Variants in DAPK1 observed in about 807,000 individuals in gnomAD.
DAPK1 encodes the protein death-associated protein kinase 1.
DAPK1 carries 56 observed loss-of-function variants against 144.9 expected under a neutral mutation model. The observed-to-expected ratio is 0.39, with a 90% CI of 0.31 to 0.48. DAPK1 has a LOEUF of 0.48. Ranked by LOEUF, DAPK1 falls within the 20% of genes least tolerant of loss-of-function variation. The pLI, the probability that DAPK1 is intolerant of heterozygous loss-of-function variation, is 0.95. For synonymous variants in DAPK1, 690 were observed against 749.0 expected (o/e 0.92, Z 1.29); for missense variants, 1,454 against 1,875.4 (o/e 0.78, Z 4.15).
At chr9:87,662,573 T>TTG (rs1342355612) in intron 18 of DAPK1, among the ~76,000 whole-genome samples, 1 of 140,076 alleles carries the variant, frequency 7.1e-6, no homozygotes, top group African/African-American at 2.6e-5. Context: ...TTTTTTTTTT[T>TTG]TTTTTTTTTT....
chr9:87,501,559 G>GA (rs143223074), intron 2 of DAPK1, among the ~76,000 whole-genome samples: 1 of 151,082 alleles, frequency 6.6e-6, no homozygotes, highest in African/African-American at 2.4e-5. Flanking sequence ...AAAAAAGAAA[G>GA]AAAAAAAAGA....
chr9:87,507,185 A>T (rs1200386624), intron 2 of DAPK1, among the ~76,000 whole-genome samples: 2 of 152,162 alleles, frequency 1.3e-5, no homozygotes, highest in East Asian at 3.9e-4. Context: ...TCATTGAAGT[A>T]TAATGTTGCT....
At chr9:87,565,648 C>A (rs1827095265) in intron 2 of DAPK1, among the ~76,000 whole-genome samples, 1 of 152,214 alleles carries the variant, frequency 6.6e-6, no homozygotes, top group African/African-American at 2.4e-5. Flanking sequence ...GAACTCAAAT[C>A]CGACTTCTTG....
chr9:87,539,937 A>AC (rs978587077), intron 2 of DAPK1, among the ~76,000 whole-genome samples: 2 of 151,770 alleles, frequency 1.3e-5, no homozygotes, highest in African/African-American at 4.8e-5. Context: ...CTTCTTAATG[A>AC]CCCCAAAGCC....
At chr9:87,664,213 C>A (rs1459084385) in intron 18 of DAPK1, among the ~76,000 whole-genome samples, 3 of 152,152 alleles carry the variant, frequency 2.0e-5, no homozygotes, top group African/African-American at 7.2e-5. Flanking sequence ...CTCTTCTCCC[C>A]TTCAGTTGTG....
At chr9:87,525,520 A>C (rs1344427910) in intron 2 of DAPK1, 1 of 1,153,274 alleles carries the variant, frequency 8.7e-7, no homozygotes, top group Non-Finnish European at 1.3e-6. Context: ...ACTCAATGAA[A>C]AACCATGATA....
intron 19 of DAPK1, among the ~76,000 whole-genome samples, chr9:87,679,289 G>A (rs1310930523): frequency 6.6e-6 from 1 of 152,104 alleles, no homozygotes; most frequent in Non-Finnish European, 1.5e-5. Context: ...CAACCAGGAG[G>A]AGATGGCAGG....
At chr9:87,616,534 C>A (rs1267819657) in intron 3 of DAPK1, among the ~76,000 whole-genome samples, 1 of 152,156 alleles carries the variant, frequency 6.6e-6, no homozygotes, top group Admixed American at 6.5e-5. Flanking sequence ...GAGCAAAGTA[C>A]CCCATCCTCT....
At chr9:87,568,414 T>G (rs149425868) in intron 2 of DAPK1, among the ~76,000 whole-genome samples, 2 of 152,376 alleles carry the variant, frequency 1.3e-5, no homozygotes, top group Non-Finnish European at 2.9e-5. Context: ...GCAACACTCC[T>G]TGGTGAATAG....
chr9:87,605,235 G>C (rs901638003), intron 3 of DAPK1, 60 bp downstream of exon 3: 1 of 1,399,270 alleles, frequency 7.1e-7, no homozygotes, highest in Non-Finnish European at 1.0e-6. Flanking sequence ...TGGCATCTTC[G>C]TTCCAGCTGG....
chr9:87,681,289 AAAAG>A, intron 19 of DAPK1, 111 bp from the exon 20 acceptor site: 1 of 699,200 alleles, frequency 1.4e-6, no homozygotes, highest in Non-Finnish European at 2.5e-6. Context: ...AAAAAAGAAA[AAAAG>A]AAACATATCT....
At chr9:87,523,215 G>A (rs10746816) in intron 2 of DAPK1, among the ~76,000 whole-genome samples, 104,842 of 152,132 alleles carry the variant, frequency 0.69, 36,337 homozygotes, top group East Asian at 0.81. Flanking sequence ...CCAGACAGCT[G>A]TATTTTTTAA....
chr9:87,521,271 T>G (rs1200401492), intron 2 of DAPK1, among the ~76,000 whole-genome samples: 1 of 152,092 alleles, frequency 6.6e-6, no homozygotes, highest in African/African-American at 2.4e-5. Context: ...CAGTTGTCTC[T>G]TGTGAGCCAG....
chr9:87,552,470 C>T (rs1826531211), intron 2 of DAPK1, among the ~76,000 whole-genome samples: 2 of 152,132 alleles, frequency 1.3e-5, no homozygotes, highest in East Asian at 1.9e-4. Context: ...GTGGCCCACA[C>T]ACTAATTTTC....
chr9:87,672,630 A>C (rs1424181067), intron 19 of DAPK1, among the ~76,000 whole-genome samples: 3 of 152,168 alleles, frequency 2.0e-5, no homozygotes, highest in Non-Finnish European at 4.4e-5. Context: ...TGTCTTCATC[A>C]TCCCTCAGTG....
rs1034477330 is a variant in DAPK1 at position 87,581,011 on chromosome 9, C to T, written c.63-23943C>T. ...CACTAAACCCTCTCCCACTCAGCTACAGAGTTAGCAGAATGAACGCGTGAC... is the reference window on the plus strand; with the variant it reads ...CACTAAACCCTCTCCCACTCAGCTATAGAGTTAGCAGAATGAACGCGTGAC... On this transcript the variant is annotated intron_variant, in intron 2 of 25. Coordinates refer to ENST00000408954, the MANE Select transcript of DAPK1 (RefSeq NM_004938.4). 1.3e-5 allele frequency among the ~76,000 whole-genome samples: 2 copies of T among 152,218 alleles called. 1 individual carries two copies. Among genetic ancestry groups the T allele is most frequent in the African/African-American group, 4.8e-5 (2 of 41,448 alleles).
At chr9:87,690,812 A>G (rs762483138) in intron 21 of DAPK1, among the ~76,000 whole-genome samples, 6 of 151,964 alleles carry the variant, frequency 3.9e-5, no homozygotes, top group Non-Finnish European at 7.4e-5. Context: ...AGATTATGAT[A>G]TGGCTTTTGT....
rs991539494 is a variant in DAPK1 at position 87,561,175 on chromosome 9, A to G, written c.63-43779A>G. Reference sequence around the variant, plus strand: ...GAGGAGCCGTTTGTGCTTATTTCCTATCTTTTGGGCAGCAAGAGTTGAGCC... The same window carrying G: ...GAGGAGCCGTTTGTGCTTATTTCCTGTCTTTTGGGCAGCAAGAGTTGAGCC... On this transcript the variant is annotated intron_variant, in intron 2 of 25. Coordinates refer to ENST00000408954, the MANE Select transcript of DAPK1 (RefSeq NM_004938.4). Among the ~76,000 whole-genome samples, 7 of 152,236 alleles carry G rather than the reference A, an allele frequency of 4.6e-5. No homozygotes were observed. The East Asian group carries it at 1.2e-3, about 25-fold the overall frequency.
At chr9:87,674,688 C>T (rs1824299402) in intron 19 of DAPK1, among the ~76,000 whole-genome samples, 1 of 152,162 alleles carries the variant, frequency 6.6e-6, no homozygotes. Flanking sequence ...GCTGCACCAT[C>T]CGTGCAGTCT....
Sources: gnomAD v4.1 joint callset for allele counts (sites outside exome capture counted in the v4.1 genomes callset) on GRCh38, gnomAD v4.1.1 for gene constraint, MANE v1.5 for transcripts, NCBI Gene and HGNC (gene_info 2026-07-23, HGNC 2026-07-21) for gene names.